The following ZNF438 variants were observed in gnomAD, a reference collection of about 807,000 sequenced individuals.
ZNF438 encodes zinc finger protein 438.
In ZNF438, 25 loss-of-function variants were observed where a neutral mutation model predicts 38.0. The ratio of observed to expected loss-of-function variants is 0.66; its 90% CI spans 0.48 to 0.92. The LOEUF (loss-of-function observed/expected upper bound fraction) is 0.92. Among genes scored for constraint, ZNF438 ranks in the 40% least tolerant of loss-of-function variants. The pLI is 0.00. For missense variants in ZNF438, 1,007 were observed against 999.6 expected (o/e 1.01, Z -0.10); for synonymous variants, 372 against 364.1 (o/e 1.02, Z -0.25).
At chr10:30,866,491 A>G (rs1350893638) in intron 4 of ZNF438, among the ~76,000 whole-genome samples, 1 of 152,208 alleles carries the variant, frequency 6.6e-6, no homozygotes, top group Non-Finnish European at 1.5e-5. Flanking sequence ...GAAAATTTGA[A>G]TTCACCACCA....
chr10:31,012,284 C>T lies in ZNF438; in HGVS notation c.-192+19549G>A, dbSNP rs868190586. ...GACTACAGGCACCCGCCACCACGCC[C>T]GGCTAATTTTTTGTATTTTTAGTAG... On this transcript the variant is annotated intron_variant, in intron 1 of 5. Coordinates refer to ENST00000413025, the Ensembl canonical transcript of ZNF438. Among the ~76,000 whole-genome samples the T allele has an allele frequency of 3.9e-5, 6 of 151,976 alleles. No homozygotes were observed. The East Asian group carries it at 1.2e-3, about 29-fold the overall frequency.
chr10:31,021,182 C>T (rs1325235150), intron 1 of ZNF438, among the ~76,000 whole-genome samples: 2 of 151,020 alleles, frequency 1.3e-5, no homozygotes, highest in Non-Finnish European at 2.9e-5. Context: ...TACATAAATA[C>T]AGACAGCACT....
At chr10:30,890,174 T>C (rs1209777885) in intron 3 of ZNF438, among the ~76,000 whole-genome samples, 1 of 151,528 alleles carries the variant, frequency 6.6e-6, no homozygotes, top group African/African-American at 2.4e-5. Context: ...TATGATCTAA[T>C]CATTGACTGT....
chr10:30,936,290 C>T (rs76529792), intron 2 of ZNF438, among the ~76,000 whole-genome samples: 1,762 of 152,320 alleles, frequency 0.012, 32 homozygotes, highest in African/African-American at 0.039. Context: ...TTTCTCTTCC[C>T]TCTCTACTAC....
intron 1 of ZNF438, among the ~76,000 whole-genome samples, chr10:30,994,849 G>A (rs578096631): frequency 2.0e-5 from 3 of 152,042 alleles, no homozygotes; most frequent in Non-Finnish European, 4.4e-5. Context: ...TAGGAAACAT[G>A]GTGAGACCCT....
chr10:30,954,070 G>A (rs982828943), intron 1 of ZNF438, among the ~76,000 whole-genome samples: 8 of 152,076 alleles, frequency 5.3e-5, no homozygotes, highest in African/African-American at 1.9e-4. Flanking sequence ...TTGAACCCGG[G>A]ATGTGGAGGT....
intron 3 of ZNF438, among the ~76,000 whole-genome samples, chr10:30,889,621 G>A (rs1274208777): frequency 6.6e-6 from 1 of 152,204 alleles, no homozygotes; most frequent in Non-Finnish European, 1.5e-5. Context: ...GGCCAGGCTG[G>A]TCTTGAACTC....
chr10:30,967,968 T>C (rs1035153036), intron 1 of ZNF438, among the ~76,000 whole-genome samples: 1 of 152,072 alleles, frequency 6.6e-6, no homozygotes, highest in African/African-American at 2.4e-5. Context: ...TATGTGAATA[T>C]ACAAGCCAGG....
At chr10:30,894,089 A>G (rs936904870) in intron 3 of ZNF438, among the ~76,000 whole-genome samples, 2 of 152,204 alleles carry the variant, frequency 1.3e-5, no homozygotes, top group African/African-American at 4.8e-5. Flanking sequence ...CTAGAGCTTA[A>G]CTGGAACATT....
At chr10:31,024,526 G>A (rs2133349875) in intron 1 of ZNF438, among the ~76,000 whole-genome samples, 1 of 152,274 alleles carries the variant, frequency 6.6e-6, no homozygotes, top group Middle Eastern at 3.4e-3. Flanking sequence ...TACTAGGGAG[G>A]CTGAGGCAAG....
At chr10:30,924,694 A>G (rs1219036079) in intron 2 of ZNF438, among the ~76,000 whole-genome samples, 1 of 152,242 alleles carries the variant, frequency 6.6e-6, no homozygotes, top group African/African-American at 2.4e-5. Context: ...TCCTTTCTAC[A>G]AAAGACTTGA....
At chr10:30,967,157 T>C (rs956623218) in intron 1 of ZNF438, among the ~76,000 whole-genome samples, 1 of 152,202 alleles carries the variant, frequency 6.6e-6, no homozygotes, top group Non-Finnish European at 1.5e-5. Context: ...TTATGCTCCA[T>C]GGCGTAATAT....
intron 1 of ZNF438, among the ~76,000 whole-genome samples, chr10:30,961,892 G>GAAAAA (rs947031672): frequency 1.5e-5 from 1 of 67,096 alleles, no homozygotes. Context: ...CATCCCAAAA[G>GAAAAA]AAAAAAAAAA....
At chr10:30,948,907 A>G (rs921361638) in intron 1 of ZNF438, among the ~76,000 whole-genome samples, 6 of 151,964 alleles carry the variant, frequency 3.9e-5, no homozygotes, top group Admixed American at 6.6e-5. Flanking sequence ...GAACGCCACA[A>G]AGATACTCCT....
intron 3 of ZNF438, among the ~76,000 whole-genome samples, chr10:30,877,801 T>TA (rs2038657961): frequency 6.6e-6 from 1 of 152,228 alleles, no homozygotes; most frequent in Non-Finnish European, 1.5e-5. Flanking sequence ...AATTTTTTTA[T>TA]AAGTTCTTAA....
intron 5 of ZNF438, among the ~76,000 whole-genome samples, chr10:30,846,714 C>T (rs561465361): frequency 3.3e-5 from 5 of 152,268 alleles, no homozygotes; most frequent in East Asian, 1.9e-4. Flanking sequence ...CAGGCAGGAG[C>T]GCTCCTGCCC....
chr10:30,883,817 T>C (rs1047508598), intron 3 of ZNF438, among the ~76,000 whole-genome samples: 12 of 152,244 alleles, frequency 7.9e-5, no homozygotes, highest in Middle Eastern at 3.4e-3. Flanking sequence ...CGACAGGAGG[T>C]TGAGGTTGCA....
At chr10:30,868,799 A>G (rs1206466929) in intron 4 of ZNF438, among the ~76,000 whole-genome samples, 1 of 152,238 alleles carries the variant, frequency 6.6e-6, no homozygotes, top group Non-Finnish European at 1.5e-5. Flanking sequence ...GGCTGGATAC[A>G]TTATTTGAAC....
At chr10:30,989,964 A>G (rs1411705536) in intron 1 of ZNF438, among the ~76,000 whole-genome samples, 1 of 152,218 alleles carries the variant, frequency 6.6e-6, no homozygotes, top group Non-Finnish European at 1.5e-5. Context: ...CCCCTTAAAC[A>G]GTAGGGCTTC....
Sources: gnomAD v4.1 joint callset for allele counts (sites outside exome capture counted in the v4.1 genomes callset) on GRCh38, gnomAD v4.1.1 for gene constraint, MANE v1.5 for transcripts, NCBI Gene and HGNC (gene_info 2026-07-23, HGNC 2026-07-21) for gene names.